Variants in KHNYN observed in about 807,000 individuals in gnomAD.
KHNYN encodes the protein KH and NYN domain containing, also known as protein KHNYN.
Under a neutral mutation model 62.7 loss-of-function variants are expected in KHNYN, and 42 were observed. The observed-to-expected ratio is 0.67, with a 90% CI of 0.52 to 0.87. KHNYN has a LOEUF of 0.87. Among genes scored for constraint, KHNYN ranks in the 40% least tolerant of loss-of-function variants. The pLI is 0.00. For missense variants in KHNYN, 829 were observed against 874.1 expected (o/e 0.95, Z 0.65); for synonymous variants, 347 against 345.6 (o/e 1.00, Z -0.04).
At position 24,431,995 on chromosome 14, in the gene KHNYN, G is replaced by T; in HGVS notation, c.734G>T (p.Cys245Phe). The T allele has an allele frequency of 6.2e-7, 1 of 1,611,626 alleles. No individual in the cohort carries two copies. The highest frequency in any genetic ancestry group is 2.2e-5 in the East Asian group (1 of 44,834). ...ACTGGATCTATGGGACCCGGAGATT[G>T]CAGGGGAGCAAGGGGAGACACTTAC... ...LDTGSMGPGD[C>F]RGARGDTYAV... is the part of the protein sequence containing the mutation. The change falls in exon 3 of 8, where the codon TGC (cysteine) becomes TTC (phenylalanine). Residue 245 changes from cysteine to phenylalanine, a missense_variant. By Grantham distance (205) the Cys-to-Phe change is radical. This residue lies in a region of KHNYN where 559 missense variants were observed against 527.0 expected (regional missense o/e 1.06). Coordinates refer to ENST00000553935, the MANE Select transcript of KHNYN (RefSeq NM_015299.3).
At position 24,430,702 on chromosome 14, in the gene KHNYN, C is replaced by G; in HGVS notation, c.-17-12C>G. 6.4e-7 allele frequency: 1 copy of G among 1,551,318 alleles called. No individual in the cohort carries two copies. The highest frequency in any genetic ancestry group is 1.7e-4 in the Middle Eastern group (1 of 5,906). On this transcript the variant is annotated splice_polypyrimidine_tract_variant and intron_variant, in intron 1 of 7. Coordinates refer to ENST00000553935, the MANE Select transcript of KHNYN (RefSeq NM_015299.3). ...GTACAATGAGGCTCTGAGCTGCCTTCTCCCCTTCCAGGGCTGGGGGCAGCA... is the reference window on the plus strand; with the variant it reads ...GTACAATGAGGCTCTGAGCTGCCTTGTCCCCTTCCAGGGCTGGGGGCAGCA...
In KHNYN at chr14:24,440,622, A is replaced by AC; in HGVS notation, c.*3337_*3338insC. 1 of 1,362,244 alleles carries AC rather than the reference A, an allele frequency of 7.3e-7. No individual in the cohort carries two copies. Among genetic ancestry groups the AC allele is most frequent in the Non-Finnish European group, 1.0e-6 (1 of 985,448 alleles). 84.4% of individuals were successfully genotyped at this position (1,362,244 alleles called of 1,614,324 possible). A position where few individuals can be genotyped will look rare whatever the true frequency, so the allele number is the denominator to read the frequency against. ...TGGCTCTGTAACAGAAGTGAGCAGT[A>AC]TGGCTGTCTTTAAGACCTCACACCT... On this transcript the variant is annotated 3_prime_UTR_variant, in exon 8 of 8. Coordinates refer to ENST00000553935, the MANE Select transcript of KHNYN (RefSeq NM_015299.3).
Position 24,430,871 on chromosome 14 carries a change from G to T in KHNYN, c.141G>T (p.Pro47=). 1.2e-6 allele frequency: 2 copies of T among 1,613,960 alleles called. No homozygotes were observed. Among genetic ancestry groups the T allele is most frequent in the Non-Finnish European group, 1.7e-6 (2 of 1,179,950 alleles). Residue 47 remains proline, a synonymous_variant, in exon 2 of 8, where the codon CCG becomes CCT. Coordinates refer to ENST00000553935, the MANE Select transcript of KHNYN (RefSeq NM_015299.3). The part of the protein sequence containing the change: ...VGVSVLPKDC[P]DNPHIWLQLE... ...TGAGCGTCCTTCCGAAGGACTGTCC[G>T]GACAACCCCCACATCTGGCTGCAGC...
At chr14:24,434,372 T>C (rs2043172909) in intron 5 of KHNYN, 8 of 985,302 alleles carry the variant, frequency 8.1e-6, no homozygotes, top group Non-Finnish European at 9.6e-6. Flanking sequence ...AACTGGAAAA[T>C]ACCATTTGCA....
chr14:24,428,131 T>C, upstream of KHNYN: 4 of 1,310,232 alleles, frequency 3.1e-6, no homozygotes, highest in Non-Finnish European at 4.2e-6. Context: ...ACTCTGCACA[T>C]CCTCCACACT....
At chr14:24,428,886 C>A, upstream of KHNYN, 1 of 1,596,464 alleles carries the variant, frequency 6.3e-7, no homozygotes, top group Non-Finnish European at 8.5e-7. Context: ...CCGGGCCCCC[C>A]TGCAGCAGCT....
intron 5 of KHNYN, chr14:24,434,076 C>T: frequency 1.1e-6 from 1 of 912,524 alleles, no homozygotes. Context: ...TACGTTCTCC[C>T]AATGTTATTC....
At chr14:24,424,280 G>T in the KHNYN span, among the ~76,000 whole-genome samples, 1 of 152,150 alleles carries the variant, frequency 6.6e-6, no homozygotes, top group Admixed American at 6.5e-5. Flanking sequence ...ATGAATTTTT[G>T]GTTGGGACCT....
upstream of KHNYN, chr14:24,427,999 G>A (rs746041135): frequency 1.9e-6 from 3 of 1,609,796 alleles, no homozygotes; most frequent in South Asian, 3.3e-5. The surrounding 1 kb of genome is among the most constrained non-coding windows in gnomAD (Gnocchi z 4.4). Flanking sequence ...GGGGAGGGGA[G>A]CCCAGTTAGC....
At position 24,437,443 on chromosome 14, in the gene KHNYN, A is replaced by G; in HGVS notation, c.*158A>G. 2 of 798,824 alleles carry G rather than the reference A, an allele frequency of 2.5e-6. No homozygotes were observed. 49.5% of individuals were successfully genotyped at this position (798,824 alleles called of 1,614,324 possible). On this transcript the variant is annotated 3_prime_UTR_variant, in exon 8 of 8. Coordinates refer to ENST00000553935, the MANE Select transcript of KHNYN (RefSeq NM_015299.3). This position sits in a 1 kb window ranked among gnomAD's most constrained non-coding sequence, Gnocchi z 5.5. Reference sequence around the variant, plus strand: ...ACTTTGGGACAGGTCCATAAAGTGAACTGATCTTACCGAGTCAGGACCTCA... The same window carrying G: ...ACTTTGGGACAGGTCCATAAAGTGAGCTGATCTTACCGAGTCAGGACCTCA...
rs1475968529 is a variant in KHNYN at position 24,440,128 on chromosome 14, A to G, written c.*2843A>G. Reference sequence around the variant, plus strand: ...AGGCAGCCCCTAGCTCTGGGAAGGAATACTGGTAGCCAGTGGCCAGTGTTC... The same window carrying G: ...AGGCAGCCCCTAGCTCTGGGAAGGAGTACTGGTAGCCAGTGGCCAGTGTTC... On this transcript the variant is annotated 3_prime_UTR_variant, in exon 8 of 8. Transcript: ENST00000553935. 1 of 1,612,282 alleles carries G rather than the reference A, an allele frequency of 6.2e-7. No homozygotes were observed. The highest frequency in any genetic ancestry group is 1.3e-5 in the African/African-American group (1 of 74,928).
At chr14:24,434,948 A>G (rs10134603) in intron 5 of KHNYN, among the ~76,000 whole-genome samples, 41,322 of 152,102 alleles carry the variant, frequency 0.27, 7,042 homozygotes, top group African/African-American at 0.48. Context: ...TCAGAGGGAA[A>G]GGAGCCCCAT....
In KHNYN at chr14:24,430,085, G is replaced by T; in HGVS notation, c.-52G>T. 2.0e-6 allele frequency: 2 copies of T among 985,534 alleles called. No homozygotes were observed. Among genetic ancestry groups the T allele is most frequent in the Non-Finnish European group, 2.4e-6 (2 of 830,154 alleles). The allele number at this position is 985,534 out of a possible 1,614,324, so 61.0% of individuals were successfully genotyped here. ...GCAAAGCGGGGGCCTGGCGGGCGCT[G>T]AGAGGACCTGAAGCCGGCGCGGGCG... is the stretch of plus-strand genomic sequence containing the variant. On this transcript the variant is annotated 5_prime_UTR_variant, in exon 1 of 8. Transcript: ENST00000553935.
chr14:24,430,633 G>A (rs1482657075), intron 1 of KHNYN, 81 bp from the exon 2 acceptor site: 1 of 1,500,972 alleles, frequency 6.7e-7, no homozygotes, highest in African/African-American at 1.4e-5. Context: ...GGTGCGACCT[G>A]TTGATAGCTG....
chr14:24,427,512 C>T, upstream of KHNYN: 1 of 436,318 alleles, frequency 2.3e-6, no homozygotes, highest in South Asian at 2.4e-5. This position sits in a 1 kb window ranked among gnomAD's most constrained non-coding sequence, Gnocchi z 4.4. Flanking sequence ...GATCTTCCTT[C>T]TTGCCAAACC....
chr14:24,429,495 C>A, upstream of KHNYN: 1 of 458,708 alleles, frequency 2.2e-6, no homozygotes, highest in Non-Finnish European at 4.2e-6. Flanking sequence ...TACTCTTCCT[C>A]TCTTCAAAAT....
intron 5 of KHNYN, 26 bp downstream of exon 5, chr14:24,433,058 G>A (rs984695998): frequency 1.9e-6 from 3 of 1,592,762 alleles, no homozygotes; most frequent in African/African-American, 1.3e-5. Flanking sequence ...CTGGCCCCAG[G>A]CTTGATATTG....
At chr14:24,433,500 G>C (rs1156854392) in intron 5 of KHNYN, among the ~76,000 whole-genome samples, 1 of 152,204 alleles carries the variant, frequency 6.6e-6, no homozygotes, top group African/African-American at 2.4e-5. Flanking sequence ...ATAATAGAAA[G>C]ATCACTGGAT....
chr14:24,434,338 A>G (rs2043172466), intron 5 of KHNYN: 2 of 985,208 alleles, frequency 2.0e-6, no homozygotes, highest in South Asian at 4.7e-5. Flanking sequence ...ATACTGTGTA[A>G]TGCGATCATA....
Sources: gnomAD v4.1 joint callset for allele counts (sites outside exome capture counted in the v4.1 genomes callset) on GRCh38, gnomAD v4.1.1 for gene constraint, gnomAD v4.1.1 regional missense constraint, Gnocchi (gnomAD v3.1) non-coding constraint, MANE v1.5 for transcripts, NCBI Gene and HGNC (gene_info 2026-07-23, HGNC 2026-07-21) for gene names.